Variants in GNA12 observed in about 807,000 individuals in gnomAD.
GNA12 encodes the protein G protein subunit alpha 12.
Under a neutral mutation model 26.0 loss-of-function variants are expected in GNA12, and 9 were observed. The observed-to-expected ratio is 0.35, with a 90% CI of 0.21 to 0.60. The LOEUF is 0.60. Ranked by LOEUF, GNA12 falls within the 20% of genes least tolerant of loss-of-function variation. GNA12 has a pLI of 0.78. For synonymous variants in GNA12, 264 were observed against 219.6 expected (o/e 1.20, Z -1.79); for missense variants, 405 against 525.8 (o/e 0.77, Z 2.25).
intron 2 of GNA12, among the ~76,000 whole-genome samples, chr7:2,753,069 G>A (rs1430154742): frequency 6.6e-6 from 1 of 151,982 alleles, no homozygotes; most frequent in African/African-American, 2.4e-5. Flanking sequence ...TCCATCTCTA[G>A]AATGTATAGT....
chr7:2,745,276 C>G (rs1583226140), intron 2 of GNA12, among the ~76,000 whole-genome samples: 2 of 152,326 alleles, frequency 1.3e-5, no homozygotes. Flanking sequence ...AGAGAAAGGT[C>G]AGGTTACCCA....
intron 1 of GNA12, among the ~76,000 whole-genome samples, chr7:2,811,075 A>G (rs1793070583): frequency 6.6e-6 from 1 of 152,134 alleles, no homozygotes; most frequent in Non-Finnish European, 1.5e-5. Flanking sequence ...AAGTGAGGGG[A>G]TTTCATCTCC....
intron 2 of GNA12, among the ~76,000 whole-genome samples, chr7:2,792,995 G>C (rs1792558557): frequency 1.3e-5 from 2 of 152,332 alleles, no homozygotes; most frequent in African/African-American, 4.8e-5. Flanking sequence ...TGCATCACCA[G>C]CCACTGGACA....
At chr7:2,744,400 A>C (rs948110919) in intron 2 of GNA12, among the ~76,000 whole-genome samples, 4 of 152,208 alleles carry the variant, frequency 2.6e-5, no homozygotes, top group African/African-American at 9.6e-5. Flanking sequence ...CTGATACCCA[A>C]GCAAACAGGG....
chr7:2,822,125 G>T (rs576966636), intron 1 of GNA12, among the ~76,000 whole-genome samples: 4 of 152,306 alleles, frequency 2.6e-5, no homozygotes, highest in African/African-American at 9.6e-5. Flanking sequence ...ACGTTAGAAT[G>T]TGCTTAGCCT....
At chr7:2,733,971 A>G (rs208358) in intron 2 of GNA12, among the ~76,000 whole-genome samples, 111,368 of 152,198 alleles carry the variant, frequency 0.73, 41,274 homozygotes, top group East Asian at 0.93. Flanking sequence ...AGGAGCATCT[A>G]GCAAAACATC....
chr7:2,779,839 C>G (rs1355069995), intron 2 of GNA12, among the ~76,000 whole-genome samples: 1 of 151,918 alleles, frequency 6.6e-6, no homozygotes, highest in Non-Finnish European at 1.5e-5. Flanking sequence ...CTCATGTGAT[C>G]TGCCCACCTC....
intron 2 of GNA12, among the ~76,000 whole-genome samples, chr7:2,789,778 G>T (rs1228064996): frequency 6.6e-6 from 1 of 152,196 alleles, no homozygotes; most frequent in Non-Finnish European, 1.5e-5. Flanking sequence ...TCCTGGTGGT[G>T]ATGTGTGTGT....
At chr7:2,795,385 C>T (rs1374319740) in intron 1 of GNA12, among the ~76,000 whole-genome samples, 1 of 152,066 alleles carries the variant, frequency 6.6e-6, no homozygotes, top group Non-Finnish European at 1.5e-5. Context: ...TGAGCCTCCC[C>T]TTTGGGAGGC....
intron 2 of GNA12, among the ~76,000 whole-genome samples, chr7:2,757,453 G>C (rs1358577410): frequency 6.6e-6 from 1 of 152,196 alleles, no homozygotes; most frequent in East Asian, 1.9e-4. Context: ...GGAGCTGCCA[G>C]CTAGTAAGAA....
intron 2 of GNA12, among the ~76,000 whole-genome samples, chr7:2,753,613 G>C (rs1478531800): frequency 6.6e-6 from 1 of 152,098 alleles, no homozygotes; most frequent in Non-Finnish European, 1.5e-5. Flanking sequence ...GGTTGTTTCT[G>C]TATTTTAGCT....
intron 1 of GNA12, among the ~76,000 whole-genome samples, chr7:2,843,204 C>A (rs907461637): frequency 2.6e-5 from 4 of 152,158 alleles, no homozygotes; most frequent in Non-Finnish European, 5.9e-5. Context: ...CGGTTGGGCT[C>A]CTATCCCACA....
chr7:2,762,059 T>G (rs1244546928), intron 2 of GNA12: 2 of 152,452 alleles, frequency 1.3e-5, no homozygotes, highest in African/African-American at 4.8e-5. Context: ...ATTCCTTACC[T>G]TCATTACTGT....
chr7:2,809,621 C>T (rs576864641), intron 1 of GNA12, among the ~76,000 whole-genome samples: 1 of 152,256 alleles, frequency 6.6e-6, no homozygotes, highest in South Asian at 2.1e-4. Context: ...GGTACACCGC[C>T]TTTGGGGTAG....
At chr7:2,814,878 C>G (rs772299437) in intron 1 of GNA12, 10 of 1,602,018 alleles carry the variant, frequency 6.2e-6, no homozygotes, top group Non-Finnish European at 8.5e-7. Context: ...CTCACTCACA[C>G]GACTGCCAGG....
At chr7:2,764,242 T>G (rs1791707792) in intron 2 of GNA12, among the ~76,000 whole-genome samples, 1 of 136,576 alleles carries the variant, frequency 7.3e-6, no homozygotes, top group African/African-American at 2.6e-5. Flanking sequence ...CCCAGCTAAT[T>G]TCTTTTTTTT....
intron 1 of GNA12, chr7:2,835,914 T>G: frequency 1.9e-6 from 1 of 539,764 alleles, no homozygotes; most frequent in South Asian, 1.7e-5. Context: ...AAGAAGCAAC[T>G]GACGCCTTAG....
At chr7:2,834,967 A>G (rs1182176) in intron 1 of GNA12, among the ~76,000 whole-genome samples, 42,845 of 151,608 alleles carry the variant, frequency 0.28, 6,263 homozygotes, top group Non-Finnish European at 0.3. Context: ...ATCGCGATGC[A>G]TGACTATACA....
intron 2 of GNA12, among the ~76,000 whole-genome samples, chr7:2,785,389 G>C (rs2115441973): frequency 6.6e-6 from 1 of 152,270 alleles, no homozygotes; most frequent in Non-Finnish European, 1.5e-5. Flanking sequence ...GATTTGGTAG[G>C]GGAATTTCTC....
Sources: gnomAD v4.1 joint callset for allele counts (sites outside exome capture counted in the v4.1 genomes callset) on GRCh38, gnomAD v4.1.1 for gene constraint, MANE v1.5 for transcripts, NCBI Gene and HGNC (gene_info 2026-07-23, HGNC 2026-07-21) for gene names.